Variants in UTP4 observed in about 807,000 individuals in gnomAD.
The protein encoded by UTP4 is U3 small nucleolar RNA-associated protein 4 homolog.
In UTP4, 45 loss-of-function variants were observed where a neutral mutation model predicts 82.4. The observed-to-expected ratio is 0.55, with a 90% CI of 0.43 to 0.70. The LOEUF (loss-of-function observed/expected upper bound fraction) is 0.70. UTP4 is among the 30% of genes least tolerant of loss of function. The pLI is 0.00. For synonymous variants in UTP4, 348 were observed against 300.3 expected, an observed-to-expected ratio of 1.16 and a Z score of -1.64; for missense variants, 819 against 858.3, an observed-to-expected ratio of 0.95 and a Z score of 0.57.
intron 14 of UTP4, among the ~76,000 whole-genome samples, chr16:69,164,596 A>G (rs1963651212): frequency 1.5e-5 from 2 of 130,082 alleles, no homozygotes; most frequent in African/African-American, 2.7e-5. Flanking sequence ...TTATATATAT[A>G]TATATATATA....
At chr16:69,168,675 G>A in intron 16 of UTP4, 146 bp from the exon 17 acceptor site, 1 of 722,016 alleles carries the variant, frequency 1.4e-6, no homozygotes, top group Non-Finnish European at 2.5e-6. Context: ...GAGTCCCAGG[G>A]CAGGAAAGAT....
At chr16:69,164,210 G>A (rs921373060) in intron 14 of UTP4, among the ~76,000 whole-genome samples, 5 of 151,700 alleles carry the variant, frequency 3.3e-5, no homozygotes, top group African/African-American at 1.2e-4. Context: ...ACTCACACAT[G>A]CACACACACA....
At position 69,168,947 on chromosome 16, in the gene UTP4, C is replaced by T. The variant is rs1212933937; in HGVS notation, c.*10C>T. Reference sequence around the variant, plus strand: ...GAAATTTGGAACCTAAAACAGGGCACTGTCTGTGTCCTTCCTTGAACTGTC... The same window carrying T: ...GAAATTTGGAACCTAAAACAGGGCATTGTCTGTGTCCTTCCTTGAACTGTC... On this transcript the variant is annotated 3_prime_UTR_variant, in exon 17 of 17. Transcript: ENST00000314423. 2.7e-6 allele frequency: 4 copies of T among 1,494,682 alleles called. No homozygotes were observed. Among genetic ancestry groups the T allele is most frequent in the Non-Finnish European group, 3.7e-6 (4 of 1,071,084 alleles). 92.6% of individuals were successfully genotyped at this position (1,494,682 alleles called of 1,614,324 possible).
chr16:69,165,506 T>C lies in UTP4; in HGVS notation c.1813T>C (p.Cys605Arg), dbSNP rs1963679632. 6.2e-7 allele frequency: 1 copy of C among 1,613,914 alleles called. No individual in the cohort carries two copies. Among genetic ancestry groups the C allele is most frequent in the Non-Finnish European group, 8.5e-7 (1 of 1,179,858 alleles). Residue 605 changes from cysteine (C) to arginine (R), a missense_variant, in exon 15 of 17, where the codon TGC (cysteine) becomes CGC (arginine). Cys to Arg is a radical substitution (Grantham distance 180, BLOSUM62 -3). Transcript: ENST00000314423. Reference sequence around the variant, plus strand: ...CCTTCTCCATGATGCCTACATGTTCTGCATCATTGACAAGTCATTGGTGAG... The same window carrying C: ...CCTTCTCCATGATGCCTACATGTTCCGCATCATTGACAAGTCATTGGTGAG... Reference protein sequence around the residue: ...HILLHDAYMFCIIDKSLPLPN... With the variant: ...HILLHDAYMFRIIDKSLPLPN...
rs549023982 is a variant in UTP4 at position 69,140,981 on chromosome 16, AT to A, written c.526+1068del. Among the ~76,000 whole-genome samples the A allele has an allele frequency of 1.1e-4, 17 of 152,278 alleles. No individual in the cohort carries two copies. In the East Asian group the frequency reaches 3.3e-3, roughly 29 times the overall value. The stretch of plus-strand genomic sequence containing the variant: ...AATTGATGTTTTCATTATTATGACT[AT>A]GTATATACTACTCACATAGTAAATT... On this transcript the variant is annotated intron_variant, in intron 5 of 16. Coordinates refer to ENST00000314423, the MANE Select transcript of UTP4 (RefSeq NM_032830.3).
Position 69,133,107 on chromosome 16 carries a change from C to T in UTP4, c.-2-351C>T, listed in dbSNP as rs1485261652. ...TCGGTTCTGCCTGCCCCATCAGCCT[C>T]ACTGTCACTACCTCAGTTTAGGTCT... On this transcript the variant is annotated intron_variant, in intron 1 of 16. Transcript: ENST00000314423. 7.4e-5 allele frequency: 24 copies of T among 324,164 alleles called. No individual in the cohort carries two copies. The Admixed American group carries it at 1.1e-3, about 14-fold the overall frequency. The allele number at this position is 324,164 out of a possible 1,614,324, so 20.1% of individuals were successfully genotyped here. A position where few individuals can be genotyped will look rare whatever the true frequency, so the allele number is the denominator to read the frequency against.
chr16:69,139,736 C>T lies in UTP4; in HGVS notation c.437-89C>T, dbSNP rs1962909126. 8.4e-6 allele frequency: 7 copies of T among 831,108 alleles called. No individual in the cohort carries two copies. In the Middle Eastern group the frequency reaches 6.7e-4, roughly 79 times the overall value. The allele number at this position is 831,108 out of a possible 1,614,324, so 51.5% of individuals were successfully genotyped here. A position where few individuals can be genotyped will look rare whatever the true frequency, so the allele number is the denominator to read the frequency against. ...ATGAGAGAGCTAAGATTGTAGAACA[C>T]TCTAGAGATAGTTGTGGGAAGAGAG... On this transcript the variant is annotated intron_variant, in intron 4 of 16. Coordinates refer to ENST00000314423, the MANE Select transcript of UTP4 (RefSeq NM_032830.3).
At position 69,143,306 on chromosome 16, in the gene UTP4, C is replaced by T; in HGVS notation, c.655C>T (p.Gln219Ter). Residue 219 changes from glutamine to a stop codon, truncating the protein, a stop_gained, in exon 6 of 17, where the codon CAG (glutamine) becomes TAG (stop). Transcript: ENST00000314423. LOFTEE classifies it high-confidence loss of function. ...AAGTGTGGACTCTGCTGGGAAGGTGCAGTTCTGGGACTCAGCCACTGGGAC... is the reference window on the plus strand; with the variant it reads ...AAGTGTGGACTCTGCTGGGAAGGTGTAGTTCTGGGACTCAGCCACTGGGAC... The part of the protein sequence containing the change: ...IISVDSAGKV[Q>*]FWDSATGTLV... The T allele has an allele frequency of 1.2e-6, 2 of 1,614,190 alleles. No homozygotes were observed. Among genetic ancestry groups the T allele is most frequent in the Non-Finnish European group, 1.7e-6 (2 of 1,180,040 alleles).
chr16:69,146,553 C>T (rs755638881), intron 6 of UTP4, among the ~76,000 whole-genome samples: 3 of 152,124 alleles, frequency 2.0e-5, no homozygotes, highest in African/African-American at 7.2e-5. Context: ...TTCCATCTTT[C>T]GGCTGTTGTA....
rs1417613899 is a variant in UTP4 at position 69,168,819 on chromosome 16, A to G, written c.1945-2A>G. On this transcript the variant is annotated splice_acceptor_variant, in intron 16 of 16. Transcript: ENST00000314423. LOFTEE classifies it high-confidence loss of function. ...GATAGAATAATTATCATCCCTCTGC[A>G]GCCTCTACTCTTCATGGATCTTTTG... 4 of 1,584,326 alleles carry G rather than the reference A, an allele frequency of 2.5e-6. No homozygotes were observed. The highest frequency in any genetic ancestry group is 3.5e-6 in the Non-Finnish European group (4 of 1,152,916).
In UTP4 at chr16:69,143,322, C is replaced by A; in HGVS notation, c.671C>A (p.Ala224Asp). The A allele has an allele frequency of 6.2e-7, 1 of 1,614,152 alleles. No homozygotes were observed. The highest frequency in any genetic ancestry group is 8.5e-7 in the Non-Finnish European group (1 of 1,180,016). The change falls in exon 6 of 17, where the codon GCC becomes GAC. Residue 224 changes from alanine to aspartate, a missense_variant. Physicochemically the swap from Ala to Asp is moderately radical, Grantham distance 126. Coordinates refer to ENST00000314423, the MANE Select transcript of UTP4 (RefSeq NM_032830.3). Reference protein sequence around the residue: ...SAGKVQFWDSATGTLVKSHLI... With the variant: ...SAGKVQFWDSDTGTLVKSHLI... ...GGGAAGGTGCAGTTCTGGGACTCAG[C>A]CACTGGGACGCTTGTGAAGAGCCAT... is the stretch of plus-strand genomic sequence containing the variant.
chr16:69,150,808 C>A lies in UTP4; in HGVS notation c.911-5C>A, dbSNP rs1278594219. 6.2e-7 allele frequency: 1 copy of A among 1,613,820 alleles called. No homozygotes were observed. The highest frequency in any genetic ancestry group is 8.5e-7 in the Non-Finnish European group (1 of 1,179,708). ...TTCTGTACACCTTCTCCCCTGCTTT[C>A]CCAGGCACTGACACCCACTTAGTCT... is the stretch of plus-strand genomic sequence containing the variant. On this transcript the variant is annotated splice_region_variant and splice_polypyrimidine_tract_variant and intron_variant, in intron 7 of 16. Transcript: ENST00000314423.
intron 5 of UTP4, among the ~76,000 whole-genome samples, chr16:69,141,520 C>T (rs1962958500): frequency 6.6e-6 from 1 of 151,994 alleles, no homozygotes; most frequent in African/African-American, 2.4e-5. Flanking sequence ...GATGTTTTAT[C>T]CTTACTGTTA....
At chr16:69,146,958 C>T (rs934110737) in intron 6 of UTP4, among the ~76,000 whole-genome samples, 30 of 145,612 alleles carry the variant, frequency 2.1e-4, no homozygotes, top group African/African-American at 7.1e-4. Flanking sequence ...AGTGCGATCG[C>T]GCCACTGCAC....
At chr16:69,145,259 C>A (rs1386203448) in intron 6 of UTP4, among the ~76,000 whole-genome samples, 2 of 151,936 alleles carry the variant, frequency 1.3e-5, no homozygotes, top group East Asian at 1.9e-4. Context: ...AGAAAACTAC[C>A]CTTTTTAAAA....
intron 16 of UTP4, among the ~76,000 whole-genome samples, 186 bp from the exon 17 acceptor site, chr16:69,168,630 TAAAAA>T (rs201315458): frequency 6.9e-6 from 1 of 145,738 alleles, no homozygotes; most frequent in Non-Finnish European, 1.5e-5. Flanking sequence ...CTCTAAAAAA[TAAAAA>T]AAAAAGCTTT....
chr16:69,161,006 G>GA (rs1963550058), intron 13 of UTP4, among the ~76,000 whole-genome samples: 1 of 152,158 alleles, frequency 6.6e-6, no homozygotes, highest in Non-Finnish European at 1.5e-5. Context: ...TGGAAACAGT[G>GA]AAACCCATTC....
chr16:69,135,539 C>G (rs937551596), intron 2 of UTP4, among the ~76,000 whole-genome samples: 1 of 151,720 alleles, frequency 6.6e-6, no homozygotes, highest in Non-Finnish European at 1.5e-5. Context: ...ATAGTGAGAC[C>G]CCATCCCTAA....
chr16:69,166,935 C>T (rs944351284), intron 15 of UTP4, 140 bp from the exon 16 acceptor site: 6 of 661,328 alleles, frequency 9.1e-6, no homozygotes, highest in African/African-American at 1.8e-5. Context: ...GCTGTTTTCC[C>T]GAATTAACGA....
Sources: allele counts gnomAD v4.1 joint callset (sites outside exome capture counted in the v4.1 genomes callset), GRCh38; gene constraint gnomAD v4.1.1; transcripts MANE v1.5; gene names NCBI Gene and HGNC (gene_info 2026-07-23, HGNC 2026-07-21).